CACNA1S: variants seen among roughly 807,000 people sequenced by gnomAD.
CACNA1S encodes the protein voltage-dependent L-type calcium channel subunit alpha-1S.
A neutral mutation model predicts 207.4 loss-of-function variants in CACNA1S; 126 were observed. The ratio of observed to expected loss-of-function variants is 0.61; its 90% CI spans 0.53 to 0.70. CACNA1S has a LOEUF of 0.70. CACNA1S is among the 30% of genes least tolerant of loss of function. The pLI is 0.00. For synonymous variants in CACNA1S, 960 were observed against 932.7 expected, an observed-to-expected ratio of 1.03 and a Z score of -0.53; for missense variants, 2,349 against 2,422.8, an observed-to-expected ratio of 0.97 and a Z score of 0.64.
At chr1:201,081,689 A>G (rs555152653) in intron 10 of CACNA1S, among the ~76,000 whole-genome samples, 45 of 152,170 alleles carry the variant, frequency 3.0e-4, no homozygotes, top group African/African-American at 8.9e-4. Flanking sequence ...GTAATTCCCA[A>G]TGCTGGAGCT....
At chr1:201,050,329 G>A in intron 34 of CACNA1S, 60 bp downstream of exon 34, 3 of 1,592,142 alleles carry the variant, frequency 1.9e-6, no homozygotes, top group Non-Finnish European at 2.6e-6. Context: ...GACTCCCTGT[G>A]AGACGGTAGG....
chr1:201,050,111 G>C (rs566531994), intron 34 of CACNA1S, among the ~76,000 whole-genome samples: 7 of 152,172 alleles, frequency 4.6e-5, no homozygotes, highest in Non-Finnish European at 1.0e-4. Context: ...TTGGGGTCTA[G>C]AGTGTCTGGT....
At position 201,052,535 on chromosome 1, in the gene CACNA1S, G is replaced by C; in HGVS notation, c.3953+22C>G. ...CTGGACTGGTCAGCGGGGTAGGGGT[G>C]GGGGTGGCGGGAGACGCGTGCCTGA... On this transcript the variant is annotated intron_variant, in intron 32 of 43. Transcript: ENST00000362061. 1.1e-5 allele frequency: 18 copies of C among 1,575,900 alleles called. No individual in the cohort carries two copies. In the South Asian group the frequency reaches 1.2e-4, roughly 11 times the overall value.
At position 201,078,186 on chromosome 1, in the gene CACNA1S, C is replaced by T. The variant is rs1411799767; in HGVS notation, c.1394-82G>A. On this transcript the variant is annotated intron_variant, in intron 10 of 43. Transcript: ENST00000362061. ...AGCCTTGGCTGTGGCTGGGCCTCAA[C>T]CCAGGACGCCCCTTCCCTTGTTTCC... 3 of 1,061,536 alleles carry T rather than the reference C, an allele frequency of 2.8e-6. No homozygotes were observed. In the African/African-American group the frequency reaches 4.7e-5, roughly 17 times the overall value. The allele number at this position is 1,061,536 out of a possible 1,614,324, so 65.8% of individuals were successfully genotyped here.
rs539781133 is a variant in CACNA1S at position 201,073,247 on chromosome 1, G to A, written c.2157+302C>T. ...GCTAGCAATGGTGGAAGCCGGTCTG[G>A]GCCTCTCAGTGGAACAGCGGGTGTC... On this transcript the variant is annotated intron_variant, in intron 15 of 43. Coordinates refer to ENST00000362061, the MANE Select transcript of CACNA1S (RefSeq NM_000069.3). Among the ~76,000 whole-genome samples, 4 of 152,304 alleles carry A rather than the reference G, an allele frequency of 2.6e-5. No individual in the cohort carries two copies. In the South Asian group the frequency reaches 8.3e-4, roughly 32 times the overall value.
At chr1:201,061,806 A>G in intron 24 of CACNA1S, 138 bp downstream of exon 24, 1 of 999,308 alleles carries the variant, frequency 1.0e-6, no homozygotes, top group East Asian at 2.5e-5. Flanking sequence ...ATACCATCAA[A>G]CCATCAGAGA....
At chr1:201,050,843 G>A (rs1456202088) in intron 33 of CACNA1S, 141 bp downstream of exon 33, 1 of 931,320 alleles carries the variant, frequency 1.1e-6, no homozygotes, top group East Asian at 2.4e-5. Context: ...CCAGAATGGG[G>A]GACAACCTAA....
At chr1:201,096,374 T>G (rs1441053699) in intron 2 of CACNA1S, among the ~76,000 whole-genome samples, 1 of 152,228 alleles carries the variant, frequency 6.6e-6, no homozygotes, top group Non-Finnish European at 1.5e-5. Flanking sequence ...AGGAACAGTG[T>G]CATCAATGTC....
intron 9 of CACNA1S, 49 bp from the exon 10 acceptor site, chr1:201,083,371 C>T (rs374395052): frequency 1.4e-5 from 23 of 1,595,426 alleles, no homozygotes; most frequent in African/African-American, 1.1e-4. Context: ...TGTTCTACGC[C>T]CCACCTGTCC....
chr1:201,109,180 G>A (rs550133586), intron 2 of CACNA1S, among the ~76,000 whole-genome samples: 7 of 150,190 alleles, frequency 4.7e-5, no homozygotes, highest in East Asian at 2.0e-4. Context: ...CCCAGGAGGC[G>A]GAGGTTGCAG....
chr1:201,099,147 G>A (rs911609467), intron 2 of CACNA1S, among the ~76,000 whole-genome samples: 1 of 152,244 alleles, frequency 6.6e-6, no homozygotes, highest in Non-Finnish European at 1.5e-5. Flanking sequence ...GGCTTTGTGG[G>A]AAGATGATGA....
intron 32 of CACNA1S, 48 bp downstream of exon 32, chr1:201,052,509 G>A (rs765224353): frequency 6.9e-7 from 1 of 1,444,486 alleles, no homozygotes; most frequent in Admixed American, 1.7e-5. Context: ...CAGAGCAAAG[G>A]CTGGACTGGT....
chr1:201,073,291 C>T (rs1200320173), intron 15 of CACNA1S, among the ~76,000 whole-genome samples: 3 of 152,102 alleles, frequency 2.0e-5, no homozygotes, highest in African/African-American at 7.2e-5. Context: ...GAAATACCTC[C>T]TTGGTCTGGA....
rs753313121 is a variant in CACNA1S, at chr1:201,073,641, C to T, written c.2065G>A (p.Gly689Ser). 18 of 1,613,632 alleles carry T rather than the reference C, an allele frequency of 1.1e-5. No individual in the cohort carries two copies. In the East Asian group the frequency reaches 3.1e-4, roughly 28 times the overall value. ...EEKKRRKMSK[G>S]LPDKSEEEKS... is the part of the protein sequence containing the mutation. ...TCCTCTTCTGACTTGTCTGGGAGAC[C>T]CCTGAGTTAGAAAACCCAAAGTGGA... Residue 689 changes from glycine to serine, a missense_variant and splice_region_variant, in exon 15 of 44, where the codon GGT becomes AGT. Gly to Ser is a moderately conservative substitution (Grantham distance 56). Coordinates refer to ENST00000362061, the MANE Select transcript of CACNA1S (RefSeq NM_000069.3).
At chr1:201,068,033 C>A (rs1661309781) in intron 19 of CACNA1S, among the ~76,000 whole-genome samples, 1 of 152,070 alleles carries the variant, frequency 6.6e-6, no homozygotes, top group Admixed American at 6.6e-5. Flanking sequence ...GGCTGGAACC[C>A]CGTGCATCTG....
rs1354509438 is a variant in CACNA1S at position 201,066,758 on chromosome 1, C to T, written c.2657+129G>A. On this transcript the variant is annotated intron_variant, in intron 20 of 43. Coordinates refer to ENST00000362061, the MANE Select transcript of CACNA1S (RefSeq NM_000069.3). The surrounding 1 kb of genome is among the most constrained non-coding windows in gnomAD (Gnocchi z 4.3). ...GACAACCCACAGGACCCCCTGCCTC[C>T]ATCGGAGGCCCCGAGAGACCCTCCT... is the stretch of plus-strand genomic sequence containing the variant. 1.4e-6 allele frequency: 1 copy of T among 730,116 alleles called. No homozygotes were observed. The highest frequency in any genetic ancestry group is 2.7e-5 in the East Asian group (1 of 37,130). 45.2% of individuals were successfully genotyped at this position (730,116 alleles called of 1,614,324 possible). A position where few individuals can be genotyped will look rare whatever the true frequency, so the allele number is the denominator to read the frequency against.
chr1:201,082,645 A>G (rs1228319502), intron 10 of CACNA1S, among the ~76,000 whole-genome samples: 1 of 152,140 alleles, frequency 6.6e-6, no homozygotes, highest in African/African-American at 2.4e-5. Context: ...TTATTTATTA[A>G]GATCAGTCTT....
rs755029954 is a variant in CACNA1S, at chr1:201,041,617, C to T, written c.5049-28G>A. 7 of 1,529,424 alleles carry T rather than the reference C, an allele frequency of 4.6e-6. No individual in the cohort carries two copies. In the African/African-American group the frequency reaches 9.6e-5, roughly 21 times the overall value. 94.7% of individuals were successfully genotyped at this position (1,529,424 alleles called of 1,614,324 possible). A position where few individuals can be genotyped will look rare whatever the true frequency, so the allele number is the denominator to read the frequency against. ...GAAATGGAAGCAAGGCTGGGTGAAC[C>T]AGAGAAGGCTGCTAGCTCTCTCGGC... On this transcript the variant is annotated intron_variant, in intron 40 of 43. Transcript: ENST00000362061.
In CACNA1S at chr1:201,048,700, C is replaced by T; in HGVS notation, c.4339-16G>A. ...CCACCAGCCGCTGTACAGGGAGACG[C>T]AGTGGCCTGCCGCTGAGCTGGGACC... On this transcript the variant is annotated splice_polypyrimidine_tract_variant and intron_variant, in intron 35 of 43. Coordinates refer to ENST00000362061, the MANE Select transcript of CACNA1S (RefSeq NM_000069.3). 1 of 1,606,756 alleles carries T rather than the reference C, an allele frequency of 6.2e-7. No homozygotes were observed.
Sources: gnomAD v4.1 joint callset for allele counts (sites outside exome capture counted in the v4.1 genomes callset) on GRCh38, gnomAD v4.1.1 for gene constraint, Gnocchi (gnomAD v3.1) non-coding constraint, MANE v1.5 for transcripts, NCBI Gene and HGNC (gene_info 2026-07-23, HGNC 2026-07-21) for gene names.